DMXL1: variants seen among roughly 807,000 people sequenced by gnomAD.
DMXL1 encodes the protein dmX-like protein 1.
In DMXL1, 99 loss-of-function variants were observed where a neutral mutation model predicts 319.2. The observed-to-expected ratio is 0.31, with a 90% CI of 0.26 to 0.37. The LOEUF (loss-of-function observed/expected upper bound fraction) is 0.37, where lower values mean the gene tolerates loss of function less well. Among genes scored for constraint, DMXL1 ranks in the 10% least tolerant of loss-of-function variants. The pLI is 1.00. For synonymous variants in DMXL1, 1,385 were observed against 1,235.2 expected, an observed-to-expected ratio of 1.12 and a Z score of -2.54; for missense variants, 3,745 against 3,595.6, an observed-to-expected ratio of 1.04 and a Z score of -1.06.
At chr5:119,080,528 A>G (rs1751969385) in intron 1 of DMXL1, among the ~76,000 whole-genome samples, 1 of 151,760 alleles carries the variant, frequency 6.6e-6, no homozygotes, top group South Asian at 2.1e-4. Flanking sequence ...TTAACACCTA[A>G]TCCTCCCACA....
In DMXL1 at chr5:119,189,737, C is replaced by G. The variant is rs1354115219; in HGVS notation, c.7165C>G (p.Gln2389Glu). ...TTCACTAGTTGAAGAAGGAGAAAAACAGAACAAACGTTTTAGGCCGTCAAA... is the reference window on the plus strand; with the variant it reads ...TTCACTAGTTGAAGAAGGAGAAAAAGAGAACAAACGTTTTAGGCCGTCAAA... ...VSSLVEEGEKQNKRFRPSKMS... is the reference protein window; with the variant it reads ...VSSLVEEGEKENKRFRPSKMS... Residue 2389 changes from glutamine to glutamate, a missense_variant, in exon 29 of 44, where the codon CAG becomes GAG. Coordinates refer to ENST00000539542, the MANE Select transcript of DMXL1 (RefSeq NM_001290321.3). The G allele has an allele frequency of 6.2e-7, 1 of 1,613,932 alleles. No homozygotes were observed.
chr5:119,200,299 C>T (rs983209080), intron 32 of DMXL1, among the ~76,000 whole-genome samples: 19 of 152,090 alleles, frequency 1.2e-4, no homozygotes, highest in African/African-American at 4.1e-4. Flanking sequence ...TTTGGCTAGC[C>T]GGTTATCCCA....
intron 42 of DMXL1, among the ~76,000 whole-genome samples, chr5:119,243,444 A>G (rs1036305085): frequency 7.9e-5 from 12 of 152,120 alleles, no homozygotes; most frequent in African/African-American, 2.4e-4. Context: ...AACCCAGGCA[A>G]TCTAACTCCA....
chr5:119,194,087 C>G, intron 30 of DMXL1, 117 bp downstream of exon 30: 3 of 667,946 alleles, frequency 4.5e-6, no homozygotes, highest in Non-Finnish European at 6.7e-6. Context: ...CATTATAACC[C>G]AGATTTCTTT....
At position 119,071,383 on chromosome 5, in the gene DMXL1, T is replaced by G; in HGVS notation, c.-187T>G. The G allele has an allele frequency of 1.7e-6, 1 of 580,092 alleles. No homozygotes were observed. The highest frequency in any genetic ancestry group is 3.0e-6 in the Non-Finnish European group (1 of 337,762). The allele number at this position is 580,092 out of a possible 1,614,324, so 35.9% of individuals were successfully genotyped here. The stretch of plus-strand genomic sequence containing the variant: ...CTCGCCGACCCGCCCCCTCCGGGCC[T>G]CGCCCTCCGGGGCTCGGGATGAGTC... On this transcript the variant is annotated 5_prime_UTR_variant, in exon 1 of 44. Transcript: ENST00000539542.
At position 119,134,092 on chromosome 5, in the gene DMXL1, C is replaced by G; in HGVS notation, c.2168C>G (p.Ser723Cys). 6.2e-7 allele frequency: 1 copy of G among 1,614,126 alleles called. No homozygotes were observed. The highest frequency in any genetic ancestry group is 8.5e-7 in the Non-Finnish European group (1 of 1,180,026). Residue 723 changes from serine to cysteine, a missense_variant, in exon 12 of 44, where the codon TCT becomes TGT. Coordinates refer to ENST00000539542, the MANE Select transcript of DMXL1 (RefSeq NM_001290321.3). ...CCATTGTCTTTTTCTGGAGGAGTTT[C>G]TGAGCTTGCCCGGATTAATTCTCTT... ...VGPLSFSGGV[S>C]ELARINSLHV...
At chr5:119,101,473 A>G (rs1432328017) in intron 2 of DMXL1, among the ~76,000 whole-genome samples, 1 of 152,256 alleles carries the variant, frequency 6.6e-6, no homozygotes, top group African/African-American at 2.4e-5. Flanking sequence ...TTCAAAGGAT[A>G]AAATAGAATA....
At chr5:119,236,331 A>G (rs1249440058) in intron 39 of DMXL1, 3 of 152,054 alleles carry the variant, frequency 2.0e-5, no homozygotes, top group African/African-American at 7.2e-5. Flanking sequence ...ATGCTCTTTA[A>G]CAAAACTTTC....
At chr5:119,125,364 G>A (rs570798840) in intron 9 of DMXL1, among the ~76,000 whole-genome samples, 15 of 152,046 alleles carry the variant, frequency 9.9e-5, no homozygotes, top group African/African-American at 2.2e-4. Flanking sequence ...TGCTGCTTAC[G>A]GAAAGTATAA....
At chr5:119,127,237 A>G (rs1255945045) in intron 9 of DMXL1, 2 of 209,464 alleles carry the variant, frequency 9.5e-6, no homozygotes, top group South Asian at 1.0e-4. Context: ...AGTGCTCACC[A>G]TATTCAACAT....
At chr5:119,235,000 A>T (rs1239040721) in intron 39 of DMXL1, among the ~76,000 whole-genome samples, 1 of 152,174 alleles carries the variant, frequency 6.6e-6, no homozygotes, top group African/African-American at 2.4e-5. Context: ...CTGCACAAGT[A>T]TCTTTGACCG....
intron 15 of DMXL1, 151 bp from the exon 16 acceptor site, chr5:119,146,686 G>A: frequency 1.6e-6 from 1 of 637,888 alleles, no homozygotes; most frequent in Non-Finnish European, 2.5e-6. Flanking sequence ...TAAAGGATTT[G>A]AATATATTTT....
chr5:119,211,230 ATGT>A lies in DMXL1; in HGVS notation c.7926+4339_7926+4341del, dbSNP rs1242300773. ...GATATTGGTTTGTAGTTTTCTTACA[ATGT>A]TGTTTGTGTTGGTCTCAGATTAGTG... On this transcript the variant is annotated intron_variant, in intron 34 of 43. Coordinates refer to ENST00000539542, the MANE Select transcript of DMXL1 (RefSeq NM_001290321.3). 5.9e-5 allele frequency among the ~76,000 whole-genome samples: 9 copies of A among 152,192 alleles called. No homozygotes were observed. In the East Asian group the frequency reaches 1.7e-3, roughly 29 times the overall value.
chr5:119,177,323 TATC>T (rs771510294), intron 26 of DMXL1, 31 bp from the exon 27 acceptor site: 4 of 1,371,350 alleles, frequency 2.9e-6, no homozygotes, highest in Non-Finnish European at 3.9e-6. Context: ...ATATAAAATT[TATC>T]ATAGATTTAA....
rs1456052161 is a variant in DMXL1, at chr5:119,071,575, C to T, written c.6C>T (p.Asn2=). ...TGCAGGACTAGGGCGCCGACATGAA[C>T]CTGCACCAGGTGCTGACCGGGGCTG... is the stretch of plus-strand genomic sequence containing the variant. M[N]LHQVLTGAVN... is the part of the protein sequence containing the mutation. The change falls in exon 1 of 44, where the codon AAC becomes AAT. Residue 2 remains asparagine, a synonymous_variant. Transcript: ENST00000539542. The T allele has an allele frequency of 6.2e-7, 1 of 1,605,152 alleles. No homozygotes were observed. The highest frequency in any genetic ancestry group is 8.5e-7 in the Non-Finnish European group (1 of 1,176,204).
chr5:119,121,923 A>G (rs1236175522), intron 9 of DMXL1, among the ~76,000 whole-genome samples: 2 of 80,846 alleles, frequency 2.5e-5, no homozygotes, highest in Admixed American at 1.2e-4. Flanking sequence ...GACCCCCCCC[A>G]CCTCCCTCCC....
At chr5:119,109,576 A>T (rs1759126895) in intron 4 of DMXL1, among the ~76,000 whole-genome samples, 1 of 152,212 alleles carries the variant, frequency 6.6e-6, no homozygotes, top group African/African-American at 2.4e-5. Flanking sequence ...GTTATTCGTT[A>T]ACCTATACCA....
At chr5:119,142,056 C>A (rs1347897227) in intron 13 of DMXL1, among the ~76,000 whole-genome samples, 1 of 152,080 alleles carries the variant, frequency 6.6e-6, no homozygotes, top group Non-Finnish European at 1.5e-5. Flanking sequence ...ATTGGCTAGC[C>A]ATATGTAGAA....
chr5:119,215,104 T>A (rs1783450421), intron 34 of DMXL1, among the ~76,000 whole-genome samples: 1 of 152,202 alleles, frequency 6.6e-6, no homozygotes, highest in South Asian at 2.1e-4. Flanking sequence ...AGACTTTCCT[T>A]AGAAGACAAG....
Sources: allele counts gnomAD v4.1 joint callset (sites outside exome capture counted in the v4.1 genomes callset), GRCh38; gene constraint gnomAD v4.1.1; transcripts MANE v1.5; gene names NCBI Gene and HGNC (gene_info 2026-07-23, HGNC 2026-07-21).